CAMK2D: variants seen among roughly 807,000 people sequenced by gnomAD.
CAMK2D encodes calcium/calmodulin dependent protein kinase II delta, also known as calcium/calmodulin-dependent protein kinase type II subunit delta.
In CAMK2D, 37 loss-of-function variants were observed where a neutral mutation model predicts 84.0. The ratio of observed to expected loss-of-function variants is 0.44; its 90% CI spans 0.34 to 0.58. CAMK2D has a LOEUF of 0.58. CAMK2D is among the 20% of genes least tolerant of loss of function. The pLI, the probability that CAMK2D is intolerant of heterozygous loss-of-function variation, is 0.02. For synonymous variants in CAMK2D, 202 were observed against 212.5 expected (o/e 0.95, Z 0.43); for missense variants, 448 against 652.5 (o/e 0.69, Z 3.41).
intron 19 of CAMK2D, among the ~76,000 whole-genome samples, chr4:113,456,247 G>C (rs911506128): frequency 1.3e-5 from 2 of 152,116 alleles, no homozygotes; most frequent in Non-Finnish European, 2.9e-5. Flanking sequence ...TGAGTTGAAT[G>C]GCTGTTTGTA....
At chr4:113,498,535 A>T (rs1405602829) in intron 16 of CAMK2D, among the ~76,000 whole-genome samples, 1 of 152,208 alleles carries the variant, frequency 6.6e-6, no homozygotes. Flanking sequence ...TATTAAGGTA[A>T]TAAAGCTAAG....
intron 2 of CAMK2D, among the ~76,000 whole-genome samples, chr4:113,698,805 A>T (rs939730707): frequency 1.3e-5 from 2 of 152,110 alleles, no homozygotes; most frequent in African/African-American, 2.4e-5. Context: ...TACATAAATT[A>T]AAAAATGGGT....
intron 3 of CAMK2D, among the ~76,000 whole-genome samples, chr4:113,652,078 A>G (rs2099175351): frequency 6.6e-6 from 1 of 152,238 alleles, no homozygotes; most frequent in Non-Finnish European, 1.5e-5. Context: ...AAAGAATAGT[A>G]TGACTAATTC....
At chr4:113,551,157 C>T (rs1188091424) in intron 5 of CAMK2D, among the ~76,000 whole-genome samples, 2 of 152,058 alleles carry the variant, frequency 1.3e-5, no homozygotes, top group Non-Finnish European at 2.9e-5. Context: ...TAAATGACAG[C>T]TACAGAATAT....
intron 4 of CAMK2D, among the ~76,000 whole-genome samples, chr4:113,603,075 T>C (rs1210017500): frequency 6.6e-6 from 1 of 152,100 alleles, no homozygotes. Flanking sequence ...CTCTATAAAC[T>C]TAGCCCTCCT....
At chr4:113,628,084 G>A (rs1642199889) in intron 3 of CAMK2D, among the ~76,000 whole-genome samples, 1 of 152,088 alleles carries the variant, frequency 6.6e-6, no homozygotes, top group African/African-American at 2.4e-5. Flanking sequence ...CTTAACTGTA[G>A]ATGAGGAAAT....
intron 6 of CAMK2D, among the ~76,000 whole-genome samples, chr4:113,540,549 G>A (rs2098523693): frequency 6.6e-6 from 1 of 152,102 alleles, no homozygotes; most frequent in Non-Finnish European, 1.5e-5. Flanking sequence ...TACCTATATG[G>A]ACTTGGGCAA....
intron 2 of CAMK2D, chr4:113,759,107 A>T (rs1215664261): frequency 9.4e-6 from 3 of 317,756 alleles, no homozygotes; most frequent in Non-Finnish European, 1.7e-5. Flanking sequence ...ATAGAATTTT[A>T]ATAGCAATGT....
At chr4:113,636,732 C>T (rs2099111157) in intron 3 of CAMK2D, among the ~76,000 whole-genome samples, 1 of 152,124 alleles carries the variant, frequency 6.6e-6, no homozygotes, top group African/African-American at 2.4e-5. Context: ...AACACTCACG[C>T]TATCAAGGAG....
chr4:113,548,644 T>G lies in CAMK2D; in HGVS notation c.342-928A>C, dbSNP rs370226586. The G allele has an allele frequency of 3.7e-6, 5 of 1,340,854 alleles. No individual in the cohort carries two copies. The African/African-American group carries it at 4.4e-5, about 12-fold the overall frequency. The allele number at this position is 1,340,854 out of a possible 1,614,324, so 83.1% of individuals were successfully genotyped here. A position where few individuals can be genotyped will look rare whatever the true frequency, so the allele number is the denominator to read the frequency against. On this transcript the variant is annotated intron_variant, in intron 5 of 20. Coordinates refer to ENST00000511664, the MANE Select transcript of CAMK2D (RefSeq NM_001321571.2). ...ACTGCTTTGATTCAGATTTATGGAC[T>G]CCATATACTGACCTTCAGGTCCCTG... is the stretch of plus-strand genomic sequence containing the variant.
Position 113,516,047 on chromosome 4 carries a change from G to T in CAMK2D, c.697-856C>A, listed in dbSNP as rs547739592. Among the ~76,000 whole-genome samples the T allele has an allele frequency of 9.9e-4, 150 of 152,238 alleles. 1 individual carries two copies. The highest frequency in any genetic ancestry group is 1.6e-3 in the Admixed American group (25 of 15,292). ...TAGTTGCAAAATGATAGAATATCAG[G>T]TTATTTTCCCAATTCATGAATTTGT... is the stretch of plus-strand genomic sequence containing the variant. On this transcript the variant is annotated intron_variant, in intron 9 of 20. Coordinates refer to ENST00000511664, the MANE Select transcript of CAMK2D (RefSeq NM_001321571.2).
chr4:113,662,656 T>G (rs115625695), intron 2 of CAMK2D, among the ~76,000 whole-genome samples: 2,135 of 152,334 alleles, frequency 0.014, 29 homozygotes, highest in Middle Eastern at 0.062. Flanking sequence ...GCCAGTAGTT[T>G]AACACCACTG....
At chr4:113,547,091 A>G (rs1250588999) in intron 6 of CAMK2D, among the ~76,000 whole-genome samples, 1 of 152,214 alleles carries the variant, frequency 6.6e-6, no homozygotes, top group Non-Finnish European at 1.5e-5. Context: ...GTCTTTAGGA[A>G]TATAAATAAA....
intron 2 of CAMK2D, among the ~76,000 whole-genome samples, chr4:113,700,855 A>T (rs1339868567): frequency 1.3e-5 from 2 of 152,224 alleles, no homozygotes; most frequent in Non-Finnish European, 2.9e-5. Context: ...CTTGAAGGGT[A>T]TCCTTCCTAC....
At chr4:113,607,528 C>G (rs2098983031) in intron 4 of CAMK2D, among the ~76,000 whole-genome samples, 1 of 151,980 alleles carries the variant, frequency 6.6e-6, no homozygotes, top group Non-Finnish European at 1.5e-5. Context: ...TTGTTCCTGC[C>G]CCACCGTAAC....
At chr4:113,645,337 G>A (rs1336991577) in intron 3 of CAMK2D, among the ~76,000 whole-genome samples, 1 of 152,102 alleles carries the variant, frequency 6.6e-6, no homozygotes, top group Non-Finnish European at 1.5e-5. Flanking sequence ...TACATCTTGA[G>A]ATGGATTAAA....
At chr4:113,548,027 A>G (rs116322649) in intron 5 of CAMK2D, among the ~76,000 whole-genome samples, 274 of 152,316 alleles carry the variant, frequency 1.8e-3, no homozygotes, top group Middle Eastern at 0.01. Flanking sequence ...CACAAATATA[A>G]TCTTTATAGC....
intron 5 of CAMK2D, among the ~76,000 whole-genome samples, chr4:113,550,316 G>A (rs981800199): frequency 6.6e-6 from 1 of 152,118 alleles, no homozygotes; most frequent in Admixed American, 6.6e-5. Context: ...GGGACTACAG[G>A]TGCATGCTGC....
chr4:113,491,770 C>T (rs886229781), intron 16 of CAMK2D, among the ~76,000 whole-genome samples: 3 of 152,052 alleles, frequency 2.0e-5, no homozygotes, highest in African/African-American at 7.2e-5. Flanking sequence ...CCATCTGGTC[C>T]TGGACTCTTT....
Sources: allele counts gnomAD v4.1 joint callset (sites outside exome capture counted in the v4.1 genomes callset), GRCh38; gene constraint gnomAD v4.1.1; transcripts MANE v1.5; gene names NCBI Gene and HGNC (gene_info 2026-07-23, HGNC 2026-07-21).